Variants in PCDH11Y observed in about 807,000 individuals in gnomAD.
The protein encoded by PCDH11Y is protocadherin 11 Y-linked.
For synonymous variants in PCDH11Y, 9 were observed against 83.6 expected (o/e 0.11, Z 4.87); for missense variants, 12 against 224.8 (o/e 0.05, Z 6.05).
intron 2 of PCDH11Y, among the ~76,000 whole-genome samples, chrY:5,254,957 T>C: frequency 3.2e-5 from 1 of 31,148 alleles, no homozygotes; most frequent in Admixed American, 3.1e-4. Context: ...ATTTATGAGG[T>C]AGATGAGATA....
chrY:5,584,590 T>A, intron 4 of PCDH11Y, among the ~76,000 whole-genome samples: 1 of 30,750 alleles, frequency 3.3e-5, no homozygotes, highest in East Asian at 8.5e-4. Context: ...TTTTTCTTTT[T>A]TTTTTTAACT....
chrY:5,324,764 A>G, intron 2 of PCDH11Y, among the ~76,000 whole-genome samples: 3 of 32,949 alleles, frequency 9.1e-5, no homozygotes. Context: ...GCTTGTCACT[A>G]TTTCTTCCAT....
chrY:5,237,288 C>T (rs2124654551), intron 2 of PCDH11Y, among the ~76,000 whole-genome samples: 33 of 33,116 alleles, frequency 1.0e-3, no homozygotes, highest in African/African-American at 3.4e-3. Flanking sequence ...TGGAAGCATG[C>T]TCCAGAGATT....
intron 1 of PCDH11Y, among the ~76,000 whole-genome samples, chrY:5,071,521 T>C (rs2124630725): frequency 3.0e-5 from 1 of 32,988 alleles, no homozygotes; most frequent in South Asian, 6.5e-4. Flanking sequence ...AGATCAGTGT[T>C]GTAGCACCCT....
chrY:5,201,729 T>C (rs2052926923), intron 2 of PCDH11Y, among the ~76,000 whole-genome samples: 2 of 33,413 alleles, frequency 6.0e-5, no homozygotes, highest in South Asian at 6.7e-4. Flanking sequence ...AGAGTTGTAA[T>C]TGAAAATCTC....
chrY:5,019,298 G>A, intron 1 of PCDH11Y: 2 of 33,224 alleles, frequency 6.0e-5, no homozygotes, highest in African/African-American at 2.4e-4. Context: ...CGGGCTGGGC[G>A]TGTTGGCTCA....
intron 4 of PCDH11Y, among the ~76,000 whole-genome samples, chrY:5,727,952 C>T: frequency 3.1e-5 from 1 of 32,549 alleles, no homozygotes; most frequent in African/African-American, 1.2e-4. Context: ...CAGCTCCTGG[C>T]GATCACCGGT....
At chrY:5,236,004 C>T (rs2052974806) in intron 2 of PCDH11Y, among the ~76,000 whole-genome samples, 1 of 33,555 alleles carries the variant, frequency 3.0e-5, no homozygotes, top group Non-Finnish European at 7.4e-5. Flanking sequence ...TAGCATATCA[C>T]TTAATTCAAT....
intron 2 of PCDH11Y, chrY:5,338,103 G>A: frequency 2.9e-6 from 1 of 341,987 alleles, no homozygotes; most frequent in Non-Finnish European, 4.3e-6. Context: ...TTCTCAGTGA[G>A]CCAGTCCACC....
intron 2 of PCDH11Y, among the ~76,000 whole-genome samples, chrY:5,326,777 G>A: frequency 3.0e-5 from 1 of 32,901 alleles, no homozygotes; most frequent in Non-Finnish European, 7.4e-5. Context: ...GTATGAGGAA[G>A]AAAATAGATT....
chrY:5,043,813 T>C (rs2052623199), intron 3 of PCDH11Y, among the ~76,000 whole-genome samples: 1 of 33,260 alleles, frequency 3.0e-5, no homozygotes, highest in Non-Finnish European at 7.4e-5. Context: ...TATTCAGAGA[T>C]TCAACTTCTT....
chrY:5,267,730 T>C, intron 2 of PCDH11Y, among the ~76,000 whole-genome samples: 1 of 33,278 alleles, frequency 3.0e-5, no homozygotes, highest in Non-Finnish European at 7.5e-5. Flanking sequence ...ATTGCCTCTT[T>C]TGGCATATTG....
chrY:5,329,916 C>G (rs2053128062), intron 2 of PCDH11Y, among the ~76,000 whole-genome samples: 1 of 33,152 alleles, frequency 3.0e-5, no homozygotes. Context: ...GAGCAAAAAG[C>G]GGGAGGACAG....
chrY:5,595,682 T>G, intron 4 of PCDH11Y, among the ~76,000 whole-genome samples: 3 of 33,413 alleles, frequency 9.0e-5, no homozygotes, highest in Non-Finnish European at 2.2e-4. Context: ...GTTTATCAAG[T>G]TATCTTGTAA....
chrY:5,693,876 G>A (rs2053569791), intron 4 of PCDH11Y, among the ~76,000 whole-genome samples: 48 of 33,118 alleles, frequency 1.4e-3, no homozygotes, highest in African/African-American at 5.6e-3. Context: ...GAGTGCACAG[G>A]CATGAAGTGA....
intron 4 of PCDH11Y, among the ~76,000 whole-genome samples, chrY:5,725,857 A>T: frequency 6.0e-5 from 2 of 33,552 alleles, no homozygotes; most frequent in East Asian, 1.5e-3. Context: ...ATAGTAATGC[A>T]AAAGATATAC....
chrY:5,602,428 C>T (rs2124699655), intron 4 of PCDH11Y, among the ~76,000 whole-genome samples: 1 of 32,672 alleles, frequency 3.1e-5, no homozygotes, highest in African/African-American at 1.2e-4. Context: ...CCACTATGAG[C>T]TCTGAGCCGA....
intron 2 of PCDH11Y, among the ~76,000 whole-genome samples, chrY:5,328,582 A>G: frequency 6.1e-5 from 2 of 32,801 alleles, no homozygotes; most frequent in Non-Finnish European, 1.5e-4. Context: ...ACTGGGCTGG[A>G]TTTTTATATT....
At chrY:5,556,191 C>T in intron 3 of PCDH11Y, among the ~76,000 whole-genome samples, 2 of 26,593 alleles carry the variant, frequency 7.5e-5, no homozygotes, top group Non-Finnish European at 8.8e-5. Context: ...ATTCCCTTTT[C>T]TCCATAGCCT....
Sources: gnomAD v4.1 joint callset for allele counts (sites outside exome capture counted in the v4.1 genomes callset) on GRCh38, gnomAD v4.1.1 for gene constraint, MANE v1.5 for transcripts, NCBI Gene and HGNC (gene_info 2026-07-23, HGNC 2026-07-21) for gene names.